The following BCAS3 variants were observed in gnomAD, a reference collection of about 807,000 sequenced individuals.
The protein encoded by BCAS3 is BCAS3 microtubule associated cell migration factor, also known as BCAS4/BCAS3 fusion.
A neutral mutation model predicts 116.1 loss-of-function variants in BCAS3; 53 were observed. The observed-to-expected ratio is 0.46, with a 90% CI of 0.37 to 0.57. The LOEUF is 0.57. Among genes scored for constraint, BCAS3 ranks in the 20% least tolerant of loss-of-function variants. The pLI is 0.00. For missense variants in BCAS3, 917 were observed against 1,165.4 expected, an observed-to-expected ratio of 0.79 and a Z score of 3.10; for synonymous variants, 391 against 408.2, an observed-to-expected ratio of 0.96 and a Z score of 0.51.
At position 61,204,348 on chromosome 17, in the gene BCAS3, T is replaced by A. The variant is rs986629407; in HGVS notation, c.2425+119784T>A. On this transcript the variant is annotated intron_variant, in intron 22 of 23. Transcript: ENST00000407086. The surrounding 1 kb of genome is among the most constrained non-coding windows in gnomAD (Gnocchi z 4.2). ...GGTCATGTGAACGAGTTCAGAAGATTCTAGATATCACATTTTACGGGACCT... is the reference window on the plus strand; with the variant it reads ...GGTCATGTGAACGAGTTCAGAAGATACTAGATATCACATTTTACGGGACCT... Among the ~76,000 whole-genome samples the A allele has an allele frequency of 6.6e-6, 1 of 152,252 alleles. No homozygotes were observed. Among genetic ancestry groups the A allele is most frequent in the Non-Finnish European group, 1.5e-5 (1 of 68,048 alleles).
At chr17:60,887,877 C>G (rs933834825) in intron 9 of BCAS3, among the ~76,000 whole-genome samples, 1 of 152,046 alleles carries the variant, frequency 6.6e-6, no homozygotes, top group Admixed American at 6.5e-5. Flanking sequence ...TAGTAATGGA[C>G]AAATATAGTG....
intron 22 of BCAS3, among the ~76,000 whole-genome samples, chr17:61,342,871 T>C (rs908877360): frequency 6.6e-6 from 1 of 152,006 alleles, no homozygotes; most frequent in Non-Finnish European, 1.5e-5. Context: ...TGCCTCAGCC[T>C]CCGAACTAGC....
At chr17:61,370,695 C>T (rs1389812269) in intron 23 of BCAS3, among the ~76,000 whole-genome samples, 2 of 152,212 alleles carry the variant, frequency 1.3e-5, no homozygotes, top group Non-Finnish European at 2.9e-5. Flanking sequence ...CCTAAAACTA[C>T]TCCCATTTTA....
chr17:61,170,402 C>T (rs2078773267), intron 22 of BCAS3, among the ~76,000 whole-genome samples: 2 of 151,846 alleles, frequency 1.3e-5, no homozygotes, highest in African/African-American at 2.4e-5. Flanking sequence ...ACACCATTCT[C>T]CTGCCTCAGC....
At chr17:60,813,366 A>G (rs189083137) in intron 7 of BCAS3, among the ~76,000 whole-genome samples, 13 of 151,540 alleles carry the variant, frequency 8.6e-5, no homozygotes, top group Admixed American at 7.9e-4. Context: ...CAGAGTACCT[A>G]GGACTACAGG....
chr17:61,243,351 A>G lies in BCAS3; in HGVS notation c.2426-124976A>G, dbSNP rs72832597. Among the ~76,000 whole-genome samples the G allele has an allele frequency of 8.3e-3, 1,257 of 152,314 alleles. 17 individuals carry two copies. The highest frequency in any genetic ancestry group is 9.5e-3 in the Non-Finnish European group (649 of 68,022). On this transcript the variant is annotated intron_variant, in intron 22 of 23. Transcript: ENST00000407086. The surrounding 1 kb of genome is among the most constrained non-coding windows in gnomAD (Gnocchi z 5.6). ...TAATATTCCATTGTGTCTATATACT[A>G]TATTTTCTTTATCCATTCATTCATG...
At chr17:61,115,779 GAC>G (rs1257641527) in intron 22 of BCAS3, among the ~76,000 whole-genome samples, 10 of 149,234 alleles carry the variant, frequency 6.7e-5, no homozygotes, top group South Asian at 2.2e-4. Context: ...CTGCTATAAA[GAC>G]ACATGCACAC....
In BCAS3 at chr17:61,307,642, T is replaced by C. The variant is rs1042984031; in HGVS notation, c.2426-60685T>C. Among the ~76,000 whole-genome samples the C allele has an allele frequency of 1.3e-5, 2 of 152,230 alleles. No homozygotes were observed. The highest frequency in any genetic ancestry group is 4.8e-5 in the African/African-American group (2 of 41,456). ...AAGGAGCTATATAAATCTGAGAAAC[T>C]GTAGAGAGGACTCTAACTAATTTTA... On this transcript the variant is annotated intron_variant, in intron 22 of 23. Coordinates refer to ENST00000407086, the MANE Select transcript of BCAS3 (RefSeq NM_017679.5). This position sits in a 1 kb window ranked among gnomAD's most constrained non-coding sequence, Gnocchi z 4.7.
chr17:60,714,614 C>T (rs116572274), intron 5 of BCAS3, among the ~76,000 whole-genome samples: 1,794 of 152,230 alleles, frequency 0.012, 26 homozygotes, highest in African/African-American at 0.038. Flanking sequence ...GATTGCACCA[C>T]GGTACTCTTG....
chr17:61,348,093 A>G lies in BCAS3; in HGVS notation c.2426-20234A>G, dbSNP rs1417428772. 6.6e-6 allele frequency among the ~76,000 whole-genome samples: 1 copy of G among 152,232 alleles called. No individual in the cohort carries two copies. Among genetic ancestry groups the G allele is most frequent in the Admixed American group, 6.5e-5 (1 of 15,284 alleles). ...GAAAGACCAGTTTAAAGATTGCTAG[A>G]ATAATCCCAATGAGAACTGGTAAGA... On this transcript the variant is annotated intron_variant, in intron 22 of 23. Coordinates refer to ENST00000407086, the MANE Select transcript of BCAS3 (RefSeq NM_017679.5). The surrounding 1 kb of genome is among the most constrained non-coding windows in gnomAD (Gnocchi z 4.5).
At chr17:61,247,928 A>G (rs995139814) in intron 22 of BCAS3, among the ~76,000 whole-genome samples, 2 of 152,190 alleles carry the variant, frequency 1.3e-5, no homozygotes, top group Non-Finnish European at 2.9e-5. Context: ...ATGTTAGAAG[A>G]GCAGCCGCAC....
intron 22 of BCAS3, among the ~76,000 whole-genome samples, chr17:61,301,497 C>T (rs1009498368): frequency 1.3e-5 from 2 of 151,992 alleles, no homozygotes; most frequent in African/African-American, 2.4e-5. Context: ...ATTAGCTGGG[C>T]GTGGTGGCAG....
intron 11 of BCAS3, among the ~76,000 whole-genome samples, chr17:60,902,925 T>A (rs2057989964): frequency 6.6e-6 from 1 of 152,248 alleles, no homozygotes; most frequent in Non-Finnish European, 1.5e-5. Context: ...TCTCTGTGAT[T>A]TGCATCGTTC....
chr17:61,194,510 G>A (rs943336219), intron 22 of BCAS3, among the ~76,000 whole-genome samples: 11 of 152,096 alleles, frequency 7.2e-5, no homozygotes, highest in African/African-American at 2.7e-4. Context: ...AGGCCAAGGC[G>A]GGTGGATCAC....
Position 61,015,685 on chromosome 17 carries a change from G to A in BCAS3, c.1487-66G>A, listed in dbSNP as rs776071241. On this transcript the variant is annotated intron_variant, in intron 15 of 23. Coordinates refer to ENST00000407086, the MANE Select transcript of BCAS3 (RefSeq NM_017679.5). ...TACTGGAGTCAGTGAAAACCCTATC[G>A]GAGATAGAGAACGGGAGATAGAGAA... The A allele has an allele frequency of 1.3e-4, 191 of 1,496,838 alleles. 2 individuals are homozygous for A. The Middle Eastern group carries it at 1.4e-3, about 11-fold the overall frequency. 92.7% of individuals were successfully genotyped at this position (1,496,838 alleles called of 1,614,324 possible). A position where few individuals can be genotyped will look rare whatever the true frequency, so the allele number is the denominator to read the frequency against.
At chr17:60,725,157 AT>A (rs2039689894) in intron 5 of BCAS3, among the ~76,000 whole-genome samples, 1 of 152,208 alleles carries the variant, frequency 6.6e-6, no homozygotes, top group African/African-American at 2.4e-5. Context: ...TACTCAATTG[AT>A]TCAGCACCAT....
At chr17:61,246,018 A>G (rs1478004845) in intron 22 of BCAS3, among the ~76,000 whole-genome samples, 1 of 152,142 alleles carries the variant, frequency 6.6e-6, no homozygotes, top group Non-Finnish European at 1.5e-5. Context: ...TTCCACAGTG[A>G]TTGGGAGGGC....
chr17:61,049,662 G>T (rs907451472), intron 19 of BCAS3, among the ~76,000 whole-genome samples: 2 of 150,438 alleles, frequency 1.3e-5, no homozygotes, highest in African/African-American at 4.9e-5. Flanking sequence ...AAAGCAGCCA[G>T]AGGAAAAGAC....
At chr17:60,731,837 G>A (rs1343962973) in intron 5 of BCAS3, among the ~76,000 whole-genome samples, 1 of 149,332 alleles carries the variant, frequency 6.7e-6, no homozygotes, top group Non-Finnish European at 1.5e-5. Flanking sequence ...GGAGTGCAGT[G>A]GCATGATCTC....
Sources: allele counts gnomAD v4.1 joint callset (sites outside exome capture counted in the v4.1 genomes callset), GRCh38; gene constraint gnomAD v4.1.1; non-coding constraint Gnocchi (gnomAD v3.1); transcripts MANE v1.5; gene names NCBI Gene and HGNC (gene_info 2026-07-23, HGNC 2026-07-21).